The following TXNL1 variants were observed in gnomAD, a reference collection of about 807,000 sequenced individuals.
TXNL1 encodes the protein thioredoxin like 1, also known as thioredoxin-like protein 1.
In TXNL1, 14 loss-of-function variants were observed where a neutral mutation model predicts 35.5. The ratio of observed to expected loss-of-function variants is 0.39; its 90% CI spans 0.26 to 0.62. The LOEUF is 0.62. Among genes scored for constraint, TXNL1 ranks in the 20% least tolerant of loss-of-function variants. TXNL1 has a pLI of 0.47. For missense variants in TXNL1, 263 were observed against 349.7 expected, an observed-to-expected ratio of 0.75 and a Z score of 1.98; for synonymous variants, 110 against 115.5, an observed-to-expected ratio of 0.95 and a Z score of 0.31.
At chr18:56,612,796 T>TACTA (rs2024018900) in intron 6 of TXNL1, among the ~76,000 whole-genome samples, 1 of 152,232 alleles carries the variant, frequency 6.6e-6, no homozygotes. Flanking sequence ...ATAATGAGTA[T>TACTA]ACTAAGTTTA....
In TXNL1 at chr18:56,601,924, TCA is replaced by T. The variant is rs2023814641; in HGVS notation, c.*1101_*1102del. ...TTTTAAACATTTCTATTTGAGCACC[TCA>T]TTTTCAACCTTAAATCATGTTCTCT... On this transcript the variant is annotated 3_prime_UTR_variant, in exon 8 of 8. Coordinates refer to ENST00000217515, the MANE Select transcript of TXNL1 (RefSeq NM_004786.3). The T allele has an allele frequency of 6.6e-6, 1 of 152,246 alleles. No homozygotes were observed. Among genetic ancestry groups the T allele is most frequent in the South Asian group, 2.1e-4 (1 of 4,834 alleles). The allele number at this position is 152,246 out of a possible 1,614,324, so 9.4% of individuals were successfully genotyped here.
rs535153591 is a variant in TXNL1 at position 56,597,808 on chromosome 18, C to T, written c.*5219G>A. On this transcript the variant is annotated 3_prime_UTR_variant, in exon 8 of 8. Coordinates refer to ENST00000217515, the MANE Select transcript of TXNL1 (RefSeq NM_004786.3). ...CTTACTAGACATCGCCACCCAAATACCAAAAATGCAATTTAAGGCAATGTA... is the reference window on the plus strand; with the variant it reads ...CTTACTAGACATCGCCACCCAAATATCAAAAATGCAATTTAAGGCAATGTA... 48 of 152,324 alleles carry T rather than the reference C, an allele frequency of 3.2e-4. No homozygotes were observed. Among genetic ancestry groups the T allele is most frequent in the African/African-American group, 1.1e-3 (47 of 41,560 alleles). 9.4% of individuals were successfully genotyped at this position (152,324 alleles called of 1,614,324 possible).
chr18:56,637,863 T>C (rs1200667689), intron 1 of TXNL1, among the ~76,000 whole-genome samples: 1 of 152,224 alleles, frequency 6.6e-6, no homozygotes, highest in Admixed American at 6.5e-5. Flanking sequence ...GAGCTACGCA[T>C]ATTAGTTAGA....
intron 1 of TXNL1, among the ~76,000 whole-genome samples, chr18:56,632,190 TCCTTC>T (rs1377266738): frequency 6.6e-6 from 1 of 152,208 alleles, no homozygotes; most frequent in Non-Finnish European, 1.5e-5. Flanking sequence ...TAGCTAACTG[TCCTTC>T]CCTTCAAGAT....
intron 3 of TXNL1, among the ~76,000 whole-genome samples, chr18:56,620,151 T>C (rs1036000765): frequency 1.8e-4 from 28 of 152,128 alleles, no homozygotes; most frequent in African/African-American, 6.5e-4. Context: ...GTATTTTTAG[T>C]AGAGATGGGC....
intron 1 of TXNL1, among the ~76,000 whole-genome samples, chr18:56,631,851 C>G (rs961730074): frequency 6.8e-6 from 1 of 147,720 alleles, no homozygotes; most frequent in African/African-American, 2.5e-5. Context: ...ACCTGGGAGG[C>G]AGAGGTCACA....
At chr18:56,611,675 G>A (rs549392856) in intron 6 of TXNL1, among the ~76,000 whole-genome samples, 7 of 151,930 alleles carry the variant, frequency 4.6e-5, no homozygotes, top group Non-Finnish European at 8.8e-5. Flanking sequence ...TAGTATGGCA[G>A]AGTCACAATT....
At chr18:56,629,923 C>T (rs1230275088) in intron 1 of TXNL1, among the ~76,000 whole-genome samples, 5 of 151,916 alleles carry the variant, frequency 3.3e-5, no homozygotes, top group Non-Finnish European at 7.4e-5. Context: ...AGACTGGGCC[C>T]GATGATGGCT....
chr18:56,623,319 T>C (rs935119554), intron 3 of TXNL1, among the ~76,000 whole-genome samples: 1 of 149,898 alleles, frequency 6.7e-6, no homozygotes, highest in Admixed American at 6.7e-5. Flanking sequence ...TCCCAGCTAC[T>C]GGGGAGGCTG....
intron 2 of TXNL1, among the ~76,000 whole-genome samples, chr18:56,625,152 TA>T (rs1171399317): frequency 6.6e-6 from 1 of 152,086 alleles, no homozygotes; most frequent in Non-Finnish European, 1.5e-5. Context: ...TGAAAGTCAC[TA>T]CTATACTTTT....
chr18:56,634,304 C>G (rs957306914), intron 1 of TXNL1, among the ~76,000 whole-genome samples: 2 of 152,142 alleles, frequency 1.3e-5, no homozygotes, highest in Admixed American at 1.3e-4. Context: ...TCTCCTTAGG[C>G]TGGAAAGATC....
chr18:56,636,920 C>A (rs2024464546), intron 1 of TXNL1, among the ~76,000 whole-genome samples: 2 of 152,078 alleles, frequency 1.3e-5, no homozygotes, highest in South Asian at 2.1e-4. Context: ...TACAGGTATT[C>A]CCCTATTATT....
At chr18:56,625,293 T>C (rs1437853601) in intron 2 of TXNL1, among the ~76,000 whole-genome samples, 1 of 152,144 alleles carries the variant, frequency 6.6e-6, no homozygotes, top group African/African-American at 2.4e-5. Flanking sequence ...CACATGCAAT[T>C]GTAAATTTTC....
chr18:56,630,749 TCA>T (rs1391962861), intron 1 of TXNL1, among the ~76,000 whole-genome samples: 1 of 152,220 alleles, frequency 6.6e-6, no homozygotes, highest in African/African-American at 2.4e-5. Flanking sequence ...TTCTTTAATT[TCA>T]GTTAGCCATC....
chr18:56,612,422 C>T (rs2024011972), intron 6 of TXNL1, among the ~76,000 whole-genome samples: 2 of 151,862 alleles, frequency 1.3e-5, no homozygotes, highest in African/African-American at 4.8e-5. Flanking sequence ...TAATAACTCC[C>T]CTCAGCACGA....
chr18:56,626,932 G>A (rs2024294179), intron 1 of TXNL1, among the ~76,000 whole-genome samples: 1 of 144,106 alleles, frequency 6.9e-6, no homozygotes, highest in South Asian at 2.2e-4. Flanking sequence ...AGCCTTCCAA[G>A]TAGCTGCAAC....
chr18:56,612,015 A>ATTTTTTTT (rs1217872694), intron 6 of TXNL1, among the ~76,000 whole-genome samples: 3 of 105,478 alleles, frequency 2.8e-5, no homozygotes, highest in African/African-American at 4.6e-5. Context: ...CGCCCGGCTA[A>ATTTTTTTT]TCTTTTTTTT....
At chr18:56,630,481 TTAAAA>T (rs2024353767) in intron 1 of TXNL1, among the ~76,000 whole-genome samples, 1 of 152,210 alleles carries the variant, frequency 6.6e-6, no homozygotes, top group Non-Finnish European at 1.5e-5. Context: ...ATTAACTTTC[TTAAAA>T]TAAACAAGAG....
intron 1 of TXNL1, among the ~76,000 whole-genome samples, chr18:56,636,655 T>C (rs1370674660): frequency 6.6e-6 from 1 of 152,212 alleles, no homozygotes; most frequent in African/African-American, 2.4e-5. Flanking sequence ...TATGCTTAAG[T>C]GACACCACAC....
Sources: gnomAD v4.1 joint callset for allele counts (sites outside exome capture counted in the v4.1 genomes callset) on GRCh38, gnomAD v4.1.1 for gene constraint, MANE v1.5 for transcripts, NCBI Gene and HGNC (gene_info 2026-07-23, HGNC 2026-07-21) for gene names.